The following SHANK2 variants were observed in gnomAD, a reference collection of about 807,000 sequenced individuals.
The protein encoded by SHANK2 is SH3 and multiple ankyrin repeat domains protein 2.
A neutral mutation model predicts 133.7 loss-of-function variants in SHANK2; 43 were observed. The ratio of observed to expected loss-of-function variants is 0.32; its 90% CI spans 0.25 to 0.41. The LOEUF (loss-of-function observed/expected upper bound fraction) is 0.41. Among genes scored for constraint, SHANK2 ranks in the 10% least tolerant of loss-of-function variants. The probability of loss-of-function intolerance (pLI) is 1.00; values close to 1 mark genes in which losing one functional copy is unlikely to be tolerated. For missense variants in SHANK2, 1,994 were observed against 2,235.8 expected (o/e 0.89, Z 2.18); for synonymous variants, 1,017 against 952.8 (o/e 1.07, Z -1.24).
chr11:70,906,504 C>G (rs782164561), intron 10 of SHANK2, among the ~76,000 whole-genome samples: 5 of 152,228 alleles, frequency 3.3e-5, no homozygotes, highest in Admixed American at 2.6e-4. Context: ...CCCGACGAAG[C>G]CTCCTTCTCT....
chr11:70,889,520 G>A (rs527645301), intron 11 of SHANK2, among the ~76,000 whole-genome samples: 3 of 152,312 alleles, frequency 2.0e-5, no homozygotes, highest in Admixed American at 6.5e-5. Flanking sequence ...GAGCAGAAAC[G>A]CCTGGCAGGT....
chr11:70,703,235 G>T (rs1004037465), intron 14 of SHANK2, among the ~76,000 whole-genome samples: 2 of 152,196 alleles, frequency 1.3e-5, no homozygotes, highest in Non-Finnish European at 2.9e-5. Flanking sequence ...TCTGGTTTAC[G>T]GGTGAGGAGG....
At chr11:70,886,920 C>A (rs1353110864) in intron 11 of SHANK2, among the ~76,000 whole-genome samples, 1 of 152,140 alleles carries the variant, frequency 6.6e-6, no homozygotes, top group African/African-American at 2.4e-5. Context: ...AAAAACCCCT[C>A]GCTTCTCTCT....
At chr11:70,862,641 A>ATGGAC (rs1489278234) in intron 11 of SHANK2, 99 of 301,596 alleles carry the variant, frequency 3.3e-4, no homozygotes, top group African/African-American at 2.3e-3. Context: ...GGACTGGCTG[A>ATGGAC]TGGACTGGAC....
intron 10 of SHANK2, among the ~76,000 whole-genome samples, chr11:70,937,678 C>T (rs1399003286): frequency 2.0e-5 from 3 of 151,634 alleles, no homozygotes; most frequent in Non-Finnish European, 2.9e-5. Flanking sequence ...AGTGTGTGTG[C>T]GTGCATCTTT....
At chr11:70,937,146 G>A (rs1238451663) in intron 10 of SHANK2, among the ~76,000 whole-genome samples, 1 of 152,116 alleles carries the variant, frequency 6.6e-6, no homozygotes, top group Non-Finnish European at 1.5e-5. Context: ...CGCTGTGCAG[G>A]GACCTCTGGG....
chr11:71,146,957 G>A (rs1157412660), intron 3 of SHANK2, among the ~76,000 whole-genome samples, 163 bp downstream of exon 3: 1 of 152,132 alleles, frequency 6.6e-6, no homozygotes, highest in Non-Finnish European at 1.5e-5. Flanking sequence ...GCACGGCAGG[G>A]AGCCTGGGGG....
intron 9 of SHANK2, among the ~76,000 whole-genome samples, chr11:71,064,316 C>CTGGGATGGGAGGAGAGAGAGCCT (rs1951020700): frequency 6.6e-6 from 1 of 152,114 alleles, no homozygotes. Flanking sequence ...AAGCTGAGTC[C>CTGGGATGGGAGGAGAGAGAGCCT]TGGGATGGGA....
intron 15 of SHANK2, among the ~76,000 whole-genome samples, chr11:70,692,458 C>T (rs1044062952): frequency 3.9e-5 from 6 of 152,210 alleles, no homozygotes; most frequent in African/African-American, 1.4e-4. Context: ...GGAGGGGAGG[C>T]GAGCTACCCA....
chr11:70,751,597 A>C (rs1261318646), intron 14 of SHANK2, among the ~76,000 whole-genome samples: 1 of 152,224 alleles, frequency 6.6e-6, no homozygotes, highest in Non-Finnish European at 1.5e-5. Context: ...CAAAATGGTC[A>C]ATATCTTTTA....
intron 17 of SHANK2, among the ~76,000 whole-genome samples, chr11:70,614,657 C>A (rs2060713773): frequency 1.3e-5 from 2 of 152,246 alleles, no homozygotes; most frequent in African/African-American, 4.8e-5. Context: ...GTACAAGCAG[C>A]ATTCCAGGCC....
At chr11:71,168,640 C>G (rs1953241162) in intron 2 of SHANK2, among the ~76,000 whole-genome samples, 2 of 152,170 alleles carry the variant, frequency 1.3e-5, no homozygotes, top group Non-Finnish European at 2.9e-5. Flanking sequence ...CCAGCCAACA[C>G]AGCGAAACCC....
chr11:71,169,817 C>T (rs782372429), intron 2 of SHANK2, among the ~76,000 whole-genome samples: 1 of 150,366 alleles, frequency 6.7e-6, no homozygotes, highest in African/African-American at 2.4e-5. Flanking sequence ...CATATCTCAG[C>T]GGTAGAACTG....
chr11:70,901,933 G>T (rs1590813554), intron 10 of SHANK2, among the ~76,000 whole-genome samples: 1 of 152,210 alleles, frequency 6.6e-6, no homozygotes, highest in African/African-American at 2.4e-5. Context: ...CACATGTGAA[G>T]CCAAGGGAAC....
At chr11:71,099,699 T>C (rs2135155608) in intron 6 of SHANK2, among the ~76,000 whole-genome samples, 1 of 152,274 alleles carries the variant, frequency 6.6e-6, no homozygotes, top group Middle Eastern at 3.4e-3. Context: ...GATATTCAGA[T>C]AGCCAACACA....
intron 14 of SHANK2, among the ~76,000 whole-genome samples, chr11:70,795,393 TTTTC>T (rs1477908300): frequency 5.7e-4 from 78 of 135,756 alleles, no homozygotes; most frequent in African/African-American, 2.0e-3. Flanking sequence ...TTCTTTTTTC[TTTTC>T]TTTCTTTTTC....
At chr11:71,095,532 A>G (rs1430906081) in intron 6 of SHANK2, among the ~76,000 whole-genome samples, 1 of 152,192 alleles carries the variant, frequency 6.6e-6, no homozygotes, top group Non-Finnish European at 1.5e-5. Flanking sequence ...ACAAGTTCCC[A>G]TGACCCAGAA....
chr11:71,218,150 A>T (rs1220110727), intron 2 of SHANK2, among the ~76,000 whole-genome samples: 2 of 152,058 alleles, frequency 1.3e-5, no homozygotes, highest in African/African-American at 4.8e-5. Flanking sequence ...ATGAGCCACC[A>T]TGCCCGGCCA....
chr11:70,693,238 G>A (rs1555021480), intron 15 of SHANK2, among the ~76,000 whole-genome samples: 1 of 152,196 alleles, frequency 6.6e-6, no homozygotes, highest in African/African-American at 2.4e-5. Context: ...TGATTCAGAT[G>A]ATGTCTCTTC....
Sources: gnomAD v4.1 joint callset for allele counts (sites outside exome capture counted in the v4.1 genomes callset) on GRCh38, gnomAD v4.1.1 for gene constraint, MANE v1.5 for transcripts, NCBI Gene and HGNC (gene_info 2026-07-23, HGNC 2026-07-21) for gene names.